Variants in NEDD4L observed in about 807,000 individuals in gnomAD.
NEDD4L encodes the protein E3 ubiquitin-protein ligase NEDD4-like.
A neutral mutation model predicts 148.9 loss-of-function variants in NEDD4L; 54 were observed. That is an observed-to-expected ratio of 0.36 (90% CI 0.29 to 0.45). The LOEUF is 0.45. NEDD4L is among the 20% of genes least tolerant of loss of function. NEDD4L has a pLI of 1.00. For synonymous variants in NEDD4L, 433 were observed against 440.7 expected (o/e 0.98, Z 0.22); for missense variants, 856 against 1,233.8 (o/e 0.69, Z 4.59).
intron 1 of NEDD4L, among the ~76,000 whole-genome samples, chr18:58,123,312 T>C (rs1045033032): frequency 1.3e-5 from 2 of 152,176 alleles, no homozygotes; most frequent in Non-Finnish European, 2.9e-5. Context: ...CAGGTTAGCC[T>C]CTAGAACCCT....
chr18:58,382,623 T>C (rs2048493839), intron 24 of NEDD4L, among the ~76,000 whole-genome samples: 1 of 152,120 alleles, frequency 6.6e-6, no homozygotes, highest in Admixed American at 6.5e-5. Context: ...GGTCAGGGCA[T>C]AGGAGAAAGG....
At chr18:58,144,350 G>C (rs1305582643) in intron 1 of NEDD4L, among the ~76,000 whole-genome samples, 2 of 152,062 alleles carry the variant, frequency 1.3e-5, no homozygotes, top group African/African-American at 4.8e-5. Flanking sequence ...CACGTGGCCA[G>C]AGCAGGAGCA....
chr18:58,058,173 G>A (rs2082171273), intron 1 of NEDD4L, among the ~76,000 whole-genome samples: 1 of 152,172 alleles, frequency 6.6e-6, no homozygotes, highest in African/African-American at 2.4e-5. Flanking sequence ...GGGTGTGGTG[G>A]CACGCACCTG....
intron 11 of NEDD4L, among the ~76,000 whole-genome samples, chr18:58,332,214 C>T (rs1264346871): frequency 6.6e-6 from 1 of 152,056 alleles, no homozygotes; most frequent in Non-Finnish European, 1.5e-5. Context: ...ATGAGGAGCT[C>T]CTGAATTTAA....
chr18:58,166,078 A>C (rs1175478943), intron 2 of NEDD4L, among the ~76,000 whole-genome samples: 1 of 152,258 alleles, frequency 6.6e-6, no homozygotes, highest in Non-Finnish European at 1.5e-5. Context: ...AACAGTAGTT[A>C]ACAGCCTGTT....
At chr18:58,350,142 C>T (rs973263887) in intron 17 of NEDD4L, among the ~76,000 whole-genome samples, 5 of 152,096 alleles carry the variant, frequency 3.3e-5, no homozygotes, top group Non-Finnish European at 1.5e-5. Context: ...TCACATACAT[C>T]CTCCTCAACA....
chr18:58,168,396 A>G (rs769922467), intron 2 of NEDD4L, among the ~76,000 whole-genome samples: 1 of 152,178 alleles, frequency 6.6e-6, no homozygotes, highest in Non-Finnish European at 1.5e-5. Flanking sequence ...TTCTCCCTCC[A>G]TGCTATCTTG....
At position 58,154,450 on chromosome 18, in the gene NEDD4L, T is replaced by C. The variant is rs182766917; in HGVS notation, c.49-11338T>C. On this transcript the variant is annotated intron_variant, in intron 1 of 30. Transcript: ENST00000400345. ...TTTGGACCCAGTGAAGCTCAGATGT[T>C]GCTTCCAGTGCAGGAGTAGTTAAGC... Among the ~76,000 whole-genome samples, 23 of 152,326 alleles carry C rather than the reference T, an allele frequency of 1.5e-4. No individual in the cohort carries two copies. The East Asian group carries it at 3.9e-3, about 26-fold the overall frequency.
chr18:58,367,406 A>G (rs2046258319), intron 21 of NEDD4L, among the ~76,000 whole-genome samples: 1 of 152,196 alleles, frequency 6.6e-6, no homozygotes, highest in Non-Finnish European at 1.5e-5. Flanking sequence ...AAGTACTCAC[A>G]TCTTTGGGAA....
intron 2 of NEDD4L, among the ~76,000 whole-genome samples, chr18:58,231,877 AATTGG>A (rs1445233133): frequency 6.6e-6 from 1 of 152,192 alleles, no homozygotes; most frequent in Non-Finnish European, 1.5e-5. Flanking sequence ...AAGTGGTTTA[AATTGG>A]ATTCTCCATT....
At chr18:58,184,710 C>T (rs112484542) in intron 2 of NEDD4L, among the ~76,000 whole-genome samples, 15 of 152,072 alleles carry the variant, frequency 9.9e-5, no homozygotes, top group Non-Finnish European at 1.6e-4. Flanking sequence ...AGGCGGATCA[C>T]GTGGTCAGGA....
At chr18:58,311,906 G>T (rs927435950) in intron 5 of NEDD4L, among the ~76,000 whole-genome samples, 8 of 152,122 alleles carry the variant, frequency 5.3e-5, no homozygotes, top group African/African-American at 1.7e-4. Flanking sequence ...CGGGCTTCAG[G>T]TCCCAGTGGC....
chr18:58,342,960 C>G lies in NEDD4L; in HGVS notation c.1432C>G (p.Gln478Glu). Residue 478 changes from glutamine (Q) to glutamate (E), a missense_variant, in exon 16 of 31, where the codon CAG becomes GAG. By Grantham distance (29) the Gln-to-Glu change is conservative (BLOSUM62 2). Transcript: ENST00000400345. ...TGTGAAAGACACCCTTTCCAACCCA[C>G]AGTCCCCACAGCCATCACCTTACAA... The part of the protein sequence containing the change: ...RAVKDTLSNP[Q>E]SPQPSPYNSP... 1 of 1,613,504 alleles carries G rather than the reference C, an allele frequency of 6.2e-7. No individual in the cohort carries two copies.
At chr18:58,345,257 T>G (rs1485760821) in intron 16 of NEDD4L, among the ~76,000 whole-genome samples, 4 of 152,244 alleles carry the variant, frequency 2.6e-5, no homozygotes, top group Admixed American at 2.0e-4. Flanking sequence ...AGCTGCGCTA[T>G]CGCTTCTAAA....
chr18:58,082,103 T>TATATATATATATATA (rs1491360930), intron 1 of NEDD4L, among the ~76,000 whole-genome samples: 1 of 53,934 alleles, frequency 1.9e-5, no homozygotes, highest in African/African-American at 1.2e-4. Flanking sequence ...TATATATATA[T>TATATATATATATATA]TTTTTTTTTT....
At chr18:58,228,291 T>A (rs2044618608) in intron 2 of NEDD4L, among the ~76,000 whole-genome samples, 1 of 151,880 alleles carries the variant, frequency 6.6e-6, no homozygotes, top group Admixed American at 6.6e-5. Flanking sequence ...CCAACAGGAG[T>A]GGAGCTTGAG....
At position 58,365,792 on chromosome 18, in the gene NEDD4L, G is replaced by A. The variant is rs148864172; in HGVS notation, c.1834-207G>A. On this transcript the variant is annotated intron_variant, in intron 20 of 30. Transcript: ENST00000400345. The stretch of plus-strand genomic sequence containing the variant: ...GTTCTAACTTTCCTGAGCATCGCTA[G>A]TGGATGCCGTGTGTCCCATCGTGAC... Among the ~76,000 whole-genome samples the A allele has an allele frequency of 2.5e-3, 374 of 152,324 alleles. 3 individuals carry two copies. The highest frequency in any genetic ancestry group is 8.7e-3 in the African/African-American group (360 of 41,572).
chr18:58,250,782 GGA>G (rs1452982859), intron 4 of NEDD4L, among the ~76,000 whole-genome samples: 9 of 152,138 alleles, frequency 5.9e-5, no homozygotes, highest in African/African-American at 1.9e-4. Flanking sequence ...CTCTCACATA[GGA>G]GAGAGAATCC....
At chr18:58,239,082 C>T (rs1316538193) in intron 2 of NEDD4L, among the ~76,000 whole-genome samples, 1 of 152,174 alleles carries the variant, frequency 6.6e-6, no homozygotes, top group East Asian at 1.9e-4. Context: ...AACAAGTTGT[C>T]ATTAACAAAA....
Sources: gnomAD v4.1 joint callset for allele counts (sites outside exome capture counted in the v4.1 genomes callset) on GRCh38, gnomAD v4.1.1 for gene constraint, MANE v1.5 for transcripts, NCBI Gene and HGNC (gene_info 2026-07-23, HGNC 2026-07-21) for gene names.